Variants in XRCC4 observed in about 807,000 individuals in gnomAD.
XRCC4 encodes DNA repair protein XRCC4.
A neutral mutation model predicts 39.1 loss-of-function variants in XRCC4; 28 were observed. The observed-to-expected ratio is 0.72, with a 90% confidence interval of 0.53 to 0.98. The LOEUF is 0.98. XRCC4 is among the 50% of genes least tolerant of loss of function. The pLI is 0.00. For missense variants in XRCC4, 350 were observed against 376.4 expected (o/e 0.93, Z 0.58); for synonymous variants, 123 against 126.4 (o/e 0.97, Z 0.18).
At chr5:83,373,195 A>T in the XRCC4 span, among the ~76,000 whole-genome samples, 1 of 151,762 alleles carries the variant, frequency 6.6e-6, no homozygotes, top group Non-Finnish European at 1.5e-5. Flanking sequence ...CCTGTTTCTA[A>T]TCCGTCTGCC....
chr5:83,235,889 A>G (rs2112830904), intron 6 of XRCC4, among the ~76,000 whole-genome samples: 1 of 152,272 alleles, frequency 6.6e-6, no homozygotes, highest in Admixed American at 6.5e-5. Flanking sequence ...TATATAATCA[A>G]TATGCAAAAA....
intron 7 of XRCC4, among the ~76,000 whole-genome samples, chr5:83,284,479 A>T (rs1754668278): frequency 6.6e-6 from 1 of 152,122 alleles, no homozygotes; most frequent in Non-Finnish European, 1.5e-5. Context: ...ATTCCTTTGA[A>T]CATCACATGT....
At chr5:83,300,362 A>T (rs301279) in intron 7 of XRCC4, among the ~76,000 whole-genome samples, 129,062 of 152,036 alleles carry the variant, frequency 0.85, 54,901 homozygotes, top group Admixed American at 0.87. Context: ...CCAATTTTAG[A>T]TATTTTAAGC....
intron 6 of XRCC4, among the ~76,000 whole-genome samples, chr5:83,244,986 T>C (rs1753048810): frequency 6.6e-6 from 1 of 152,206 alleles, no homozygotes; most frequent in African/African-American, 2.4e-5. Flanking sequence ...AAGTAAAATA[T>C]GCATATATAT....
intron 6 of XRCC4, among the ~76,000 whole-genome samples, chr5:83,252,549 A>G (rs914797518): frequency 6.6e-6 from 1 of 152,162 alleles, no homozygotes; most frequent in African/African-American, 2.4e-5. Flanking sequence ...TTTTAAAAAT[A>G]ATACCTTAAT....
chr5:83,373,010 C>T, the XRCC4 span, among the ~76,000 whole-genome samples: 3 of 152,100 alleles, frequency 2.0e-5, no homozygotes, highest in Non-Finnish European at 2.9e-5. Context: ...AAAATGAAAT[C>T]GAACATCCAA....
chr5:83,246,601 G>A (rs1245538857), intron 6 of XRCC4, among the ~76,000 whole-genome samples: 2 of 152,038 alleles, frequency 1.3e-5, no homozygotes, highest in Non-Finnish European at 2.9e-5. Context: ...GCAACATGAT[G>A]AATCATTTTT....
the XRCC4 span, among the ~76,000 whole-genome samples, chr5:83,360,781 G>A: frequency 8.5e-5 from 13 of 152,170 alleles, no homozygotes; most frequent in African/African-American, 3.1e-4. Flanking sequence ...GCTGAGCCCA[G>A]TCTAGATAAG....
chr5:83,135,695 C>G (rs1435878910), intron 3 of XRCC4, among the ~76,000 whole-genome samples: 1 of 152,022 alleles, frequency 6.6e-6, no homozygotes. Flanking sequence ...ATCTTTTCTT[C>G]TGCTGTGCTT....
chr5:83,363,344 C>A, the XRCC4 span, among the ~76,000 whole-genome samples: 2 of 151,996 alleles, frequency 1.3e-5, no homozygotes, highest in Non-Finnish European at 2.9e-5. Flanking sequence ...AGGCTACCCA[C>A]TAAGAGTCTT....
At chr5:83,081,544 C>CA (rs1386330689) in intron 1 of XRCC4, among the ~76,000 whole-genome samples, 1 of 152,076 alleles carries the variant, frequency 6.6e-6, no homozygotes, top group East Asian at 1.9e-4. Flanking sequence ...TTGTCACACA[C>CA]AAAAAATAAG....
chr5:83,245,803 G>A (rs762477704), intron 6 of XRCC4, among the ~76,000 whole-genome samples: 9 of 151,674 alleles, frequency 5.9e-5, no homozygotes, highest in Non-Finnish European at 1.2e-4. Context: ...TCTATTTCTC[G>A]ATCTGTTCTC....
At chr5:83,137,030 A>C (rs1208279740) in intron 3 of XRCC4, among the ~76,000 whole-genome samples, 1 of 152,194 alleles carries the variant, frequency 6.6e-6, no homozygotes, top group Admixed American at 6.5e-5. Flanking sequence ...CACATTGTAG[A>C]CATAGATCAA....
intron 6 of XRCC4, among the ~76,000 whole-genome samples, chr5:83,222,063 A>G (rs1297290811): frequency 6.6e-6 from 1 of 151,660 alleles, no homozygotes; most frequent in Non-Finnish European, 1.5e-5. Flanking sequence ...TCAATCTTTT[A>G]TATATCTGAG....
chr5:83,194,579 G>T (rs906384046), intron 3 of XRCC4, among the ~76,000 whole-genome samples: 2 of 151,930 alleles, frequency 1.3e-5, no homozygotes, highest in African/African-American at 4.8e-5. Context: ...TCTTTTAAAA[G>T]CAATACCTTT....
At chr5:83,285,466 G>C (rs1754700942) in intron 7 of XRCC4, among the ~76,000 whole-genome samples, 1 of 152,162 alleles carries the variant, frequency 6.6e-6, no homozygotes, top group Admixed American at 6.6e-5. Context: ...GGAATGGATA[G>C]AGAGGTACAT....
intron 7 of XRCC4, among the ~76,000 whole-genome samples, chr5:83,298,651 AT>A (rs150719453): frequency 2.0e-3 from 301 of 150,828 alleles, no homozygotes; most frequent in Middle Eastern, 0.01. Flanking sequence ...CATTAAATGG[AT>A]TTTTTTTTAA....
At chr5:83,252,334 G>T (rs1387359100) in intron 6 of XRCC4, among the ~76,000 whole-genome samples, 2 of 152,092 alleles carry the variant, frequency 1.3e-5, no homozygotes, top group Admixed American at 1.3e-4. Flanking sequence ...ATAAACACTT[G>T]TGAAATGAAT....
intron 6 of XRCC4, among the ~76,000 whole-genome samples, chr5:83,243,728 GA>G (rs1293043626): frequency 6.6e-6 from 1 of 152,188 alleles, no homozygotes; most frequent in Non-Finnish European, 1.5e-5. Flanking sequence ...AAAGATACCA[GA>G]AGGGAGGCTA....
Sources: allele counts gnomAD v4.1 joint callset (sites outside exome capture counted in the v4.1 genomes callset), GRCh38; gene constraint gnomAD v4.1.1; transcripts MANE v1.5; gene names NCBI Gene and HGNC (gene_info 2026-07-23, HGNC 2026-07-21).